GDPD5: variants seen among roughly 807,000 people sequenced by gnomAD.
GDPD5 encodes glycerophosphodiester phosphodiesterase domain containing 5.
In GDPD5, 48 loss-of-function variants were observed where a neutral mutation model predicts 75.1. The observed-to-expected ratio is 0.64, with a 90% CI of 0.51 to 0.81. The LOEUF is 0.81. GDPD5 is among the 40% of genes least tolerant of loss of function. GDPD5 has a pLI of 0.00. For synonymous variants in GDPD5, 336 were observed against 339.0 expected, an observed-to-expected ratio of 0.99 and a Z score of 0.10; for missense variants, 706 against 822.6, an observed-to-expected ratio of 0.86 and a Z score of 1.73.
At chr11:75,493,728 C>T (rs1422244321) in intron 1 of GDPD5, among the ~76,000 whole-genome samples, 1 of 152,150 alleles carries the variant, frequency 6.6e-6, no homozygotes, top group African/African-American at 2.4e-5. Context: ...GACAAGTTAG[C>T]TTGTCAAAGC....
intron 2 of GDPD5, among the ~76,000 whole-genome samples, chr11:75,482,758 T>C (rs1200299644): frequency 6.6e-6 from 1 of 152,190 alleles, no homozygotes; most frequent in African/African-American, 2.4e-5. Flanking sequence ...CCCTCCTCCA[T>C]GGAGGCCCGG....
At chr11:75,485,025 T>C (rs976068638) in intron 2 of GDPD5, among the ~76,000 whole-genome samples, 15 of 152,218 alleles carry the variant, frequency 9.9e-5, no homozygotes, top group African/African-American at 3.4e-4. Context: ...AGGAGTCAGC[T>C]ACCCAGCCAC....
chr11:75,492,139 G>A (rs895630606), intron 1 of GDPD5, among the ~76,000 whole-genome samples: 6 of 152,206 alleles, frequency 3.9e-5, no homozygotes, highest in Non-Finnish European at 8.8e-5. Flanking sequence ...TACCTGTGGG[G>A]TTGTCTGGAC....
At chr11:75,523,117 G>A (rs558008049) in intron 1 of GDPD5, among the ~76,000 whole-genome samples, 18 of 152,322 alleles carry the variant, frequency 1.2e-4, no homozygotes, top group Middle Eastern at 3.4e-3. Context: ...GGATGGAAAC[G>A]GATATTTGGC....
chr11:75,445,727 T>C (rs1029812605), intron 9 of GDPD5, among the ~76,000 whole-genome samples: 1 of 152,204 alleles, frequency 6.6e-6, no homozygotes, highest in Non-Finnish European at 1.5e-5. Flanking sequence ...CTCCCCTCTT[T>C]TGTGACACAG....
intron 2 of GDPD5, among the ~76,000 whole-genome samples, chr11:75,486,157 G>A (rs1483349145): frequency 7.9e-5 from 12 of 152,064 alleles, no homozygotes; most frequent in Non-Finnish European, 1.8e-4. Context: ...TTAGCTACCC[G>A]CTCTCTCCTC....
intron 3 of GDPD5, among the ~76,000 whole-genome samples, chr11:75,468,867 G>A (rs904377422): frequency 1.3e-5 from 2 of 152,226 alleles, no homozygotes; most frequent in Admixed American, 6.5e-5. Flanking sequence ...CTGTGTGGCT[G>A]TAGGCCAATC....
intron 1 of GDPD5, chr11:75,516,258 C>T (rs1444962327): frequency 1.3e-5 from 2 of 152,718 alleles, no homozygotes; most frequent in Non-Finnish European, 2.9e-5. Context: ...CAGCCCCTAT[C>T]CCTATAGCTG....
chr11:75,471,097 T>G (rs1949652676), intron 3 of GDPD5, among the ~76,000 whole-genome samples: 1 of 152,196 alleles, frequency 6.6e-6, no homozygotes, highest in East Asian at 1.9e-4. Flanking sequence ...AAGCCAAATC[T>G]TGGGCACCTC....
At chr11:75,464,872 C>T (rs1949485027) in intron 3 of GDPD5, among the ~76,000 whole-genome samples, 1 of 152,054 alleles carries the variant, frequency 6.6e-6, no homozygotes, top group Non-Finnish European at 1.5e-5. Flanking sequence ...TAGGAGCTGC[C>T]ACCCAGAGAA....
chr11:75,435,517 C>G lies in GDPD5; in HGVS notation c.1808G>C (p.Ser603Thr). Residue 603 changes from serine to threonine, a missense_variant, in exon 17 of 17, where the codon AGT (serine) becomes ACT (threonine). Transcript: ENST00000336898. ...CAGACATGTCTTCAGCTAACGCCCA[C>G]TCCGCTCTATGAGGGTCTTGGTGTG... ...GSHTKTLIER[S>T]GR 1 of 1,607,338 alleles carries G rather than the reference C, an allele frequency of 6.2e-7. No homozygotes were observed. Among genetic ancestry groups the G allele is most frequent in the East Asian group, 2.2e-5 (1 of 44,836 alleles).
intron 2 of GDPD5, among the ~76,000 whole-genome samples, chr11:75,483,127 A>C (rs1949953396): frequency 6.6e-6 from 1 of 152,122 alleles, no homozygotes; most frequent in Non-Finnish European, 1.5e-5. Flanking sequence ...GATTTCTCCA[A>C]GCTACGTCCC....
At chr11:75,505,472 TCCTTTTCCTTGTGGGGCC>T (rs1950377752) in intron 1 of GDPD5, among the ~76,000 whole-genome samples, 2 of 152,144 alleles carry the variant, frequency 1.3e-5, no homozygotes, top group South Asian at 4.1e-4. Flanking sequence ...CTTGGGCCAG[TCCTTTTCCTTGTGGGGCC>T]CCTGTTTTCC....
chr11:75,448,440 C>T, intron 9 of GDPD5: 1 of 977,050 alleles, frequency 1.0e-6, no homozygotes, highest in Non-Finnish European at 1.2e-6. Flanking sequence ...TGGTGAGGAG[C>T]TGTGCTGGGA....
intron 2 of GDPD5, among the ~76,000 whole-genome samples, chr11:75,480,551 A>G (rs1412200766): frequency 1.3e-5 from 2 of 152,258 alleles, no homozygotes; most frequent in East Asian, 1.9e-4. Context: ...GGAACTGCCA[A>G]ACTTTTCCAA....
At chr11:75,457,119 G>C (rs1238258983) in intron 5 of GDPD5, among the ~76,000 whole-genome samples, 2 of 152,214 alleles carry the variant, frequency 1.3e-5, no homozygotes, top group Non-Finnish European at 2.9e-5. Flanking sequence ...AACATTTTGG[G>C]AGTTCCAGTC....
intron 1 of GDPD5, among the ~76,000 whole-genome samples, chr11:75,514,521 C>T (rs961596886): frequency 1.3e-5 from 2 of 152,242 alleles, no homozygotes; most frequent in African/African-American, 4.8e-5. Context: ...ATGCATTAAG[C>T]ACAGAGAGGA....
intron 3 of GDPD5, among the ~76,000 whole-genome samples, chr11:75,467,749 A>G (rs1949551995): frequency 6.6e-6 from 1 of 151,842 alleles, no homozygotes; most frequent in South Asian, 2.1e-4. Context: ...GTGATGGAGA[A>G]TCCTGGAGGC....
chr11:75,521,695 G>A (rs1309155916), intron 1 of GDPD5, among the ~76,000 whole-genome samples: 1 of 152,160 alleles, frequency 6.6e-6, no homozygotes, highest in African/African-American at 2.4e-5. Flanking sequence ...CAGAGGGTTG[G>A]GTAATCCAGG....
Sources: allele counts gnomAD v4.1 joint callset (sites outside exome capture counted in the v4.1 genomes callset), GRCh38; gene constraint gnomAD v4.1.1; transcripts MANE v1.5; gene names NCBI Gene and HGNC (gene_info 2026-07-23, HGNC 2026-07-21).